OGFR: variants seen among roughly 807,000 people sequenced by gnomAD.
The protein encoded by OGFR is opioid growth factor receptor.
In OGFR, 18 loss-of-function variants were observed where a neutral mutation model predicts 33.6. The observed-to-expected ratio is 0.54, with a 90% CI of 0.37 to 0.80. OGFR has a LOEUF of 0.80. Ranked by LOEUF, OGFR falls within the 30% of genes least tolerant of loss-of-function variation. The pLI, the probability that OGFR is intolerant of heterozygous loss-of-function variation, is 0.00. For synonymous variants in OGFR, 370 were observed against 400.7 expected (o/e 0.92, Z 0.91); for missense variants, 877 against 955.8 (o/e 0.92, Z 1.09).
At position 62,813,093 on chromosome 20, in the gene OGFR, C is replaced by G; in HGVS notation, c.1478C>G (p.Ala493Gly). ...GSPAPSGHPK[A>G]GHSENGVEED... ...CCTGCCCCATCGGGGCACCCCAAGGCTGGACACAGTGAGAACGGGGTTGAG... is the reference window on the plus strand; with the variant it reads ...CCTGCCCCATCGGGGCACCCCAAGGGTGGACACAGTGAGAACGGGGTTGAG... The change falls in exon 7 of 7, where the codon GCT (alanine) becomes GGT (glycine). Residue 493 changes from alanine (A) to glycine (G), a missense_variant. Physicochemically the swap from Ala to Gly is moderately conservative, Grantham distance 60. Around this residue, in one of 3 missense-constraint regions of OGFR, gnomAD observed 760 missense variants for 736.0 expected, o/e 1.03. Coordinates refer to ENST00000290291, the MANE Select transcript of OGFR (RefSeq NM_007346.4). The G allele has an allele frequency of 1.3e-6, 2 of 1,579,496 alleles. No individual in the cohort carries two copies. The highest frequency in any genetic ancestry group is 1.7e-6 in the Non-Finnish European group (2 of 1,162,670).
rs746494495 is a variant in OGFR at position 62,813,401 on chromosome 20, G to A, written c.1786G>A (p.Glu596Lys). ...PAGPTRDEPA[E>K]SPSETPGPRP... ...AGGACCTACAAGGGATGAGCCAGCC[G>A]AGAGCCCATCGGAGACCCCAGGCCC... Residue 596 changes from glutamate (E) to lysine (K), a missense_variant, in exon 7 of 7, where the codon GAG becomes AAG. Transcript: ENST00000290291. 1.5e-5 allele frequency: 23 copies of A among 1,547,966 alleles called. 2 individuals carry two copies. The highest frequency in any genetic ancestry group is 4.7e-5 in the South Asian group (4 of 85,024).
Position 62,813,552 on chromosome 20 carries a change from C to T in OGFR, c.1937C>T (p.Pro646Leu), listed in dbSNP as rs769480850. The T allele has an allele frequency of 2.2e-5, 36 of 1,609,908 alleles. No individual in the cohort carries two copies. The highest frequency in any genetic ancestry group is 2.5e-5 in the Non-Finnish European group (30 of 1,178,606). Residue 646 changes from proline to leucine, a missense_variant, in exon 7 of 7, where the codon CCG (proline) becomes CTG (leucine). Coordinates refer to ENST00000290291, the MANE Select transcript of OGFR (RefSeq NM_007346.4). The stretch of plus-strand genomic sequence containing the variant: ...CCATCGGAGACCCCAGGCCCCAGCC[C>T]GGCAGGACCTACAAGGGATGAGCCA... ...ESPSETPGPS[P>L]AGPTRDEPAK...
chr20:62,812,533 C>A lies in OGFR; in HGVS notation c.918C>A (p.Gly306=), dbSNP rs749690363. 5.0e-6 allele frequency: 8 copies of A among 1,585,966 alleles called. No individual in the cohort carries two copies. The highest frequency in any genetic ancestry group is 1.3e-5 in the African/African-American group (1 of 74,428). Residue 306 remains glycine, a synonymous_variant, in exon 7 of 7, where the codon GGC becomes GGA. Coordinates refer to ENST00000290291, the MANE Select transcript of OGFR (RefSeq NM_007346.4). ...KPSSLPHPLE[G]SRKVEEEGSP... is the part of the protein sequence containing the mutation. Reference sequence around the variant, plus strand: ...GCTCTCTGCCCCATCCGCTCGAGGGCTCCAGGAAGGTGGAGGAGGAAGGAA... The same window carrying A: ...GCTCTCTGCCCCATCCGCTCGAGGGATCCAGGAAGGTGGAGGAGGAAGGAA...
At chr20:62,805,427 G>A (rs556838143) in intron 1 of OGFR, 1 of 154,092 alleles carries the variant, frequency 6.5e-6, no homozygotes, top group African/African-American at 2.4e-5. Flanking sequence ...CTGGGGCTGG[G>A]GCCCGGGCCG....
At chr20:62,811,104 G>T (rs1173211999) in intron 5 of OGFR, among the ~76,000 whole-genome samples, 1 of 152,228 alleles carries the variant, frequency 6.6e-6, no homozygotes, top group East Asian at 1.9e-4. Flanking sequence ...GCTCACGTTT[G>T]TAATCCCAGC....
intron 2 of OGFR, 191 bp from the exon 3 acceptor site, chr20:62,808,056 G>A (rs1037574908): frequency 4.9e-5 from 32 of 652,962 alleles, no homozygotes; most frequent in South Asian, 3.2e-4. Context: ...TGGGGAAGGG[G>A]GGTCCCTGGG....
At chr20:62,811,632 C>T in intron 6 of OGFR, 22 bp downstream of exon 6, 4 of 1,538,066 alleles carry the variant, frequency 2.6e-6, no homozygotes, top group Non-Finnish European at 3.5e-6. Context: ...CTGCTCCCGC[C>T]CACCCCCACC....
chr20:62,808,086 C>A, intron 2 of OGFR, 161 bp from the exon 3 acceptor site: 1 of 711,362 alleles, frequency 1.4e-6, no homozygotes, highest in Non-Finnish European at 2.6e-6. Context: ...CAGCTGCTGT[C>A]CTCTGAATGG....
At chr20:62,805,758 A>C (rs1324692372) in intron 1 of OGFR, 1 of 152,698 alleles carries the variant, frequency 6.5e-6, no homozygotes, top group Admixed American at 6.5e-5. Flanking sequence ...GGGCAGTGAG[A>C]GAGCACGGAG....
chr20:62,806,228 C>T (rs1814209112), intron 1 of OGFR: 1 of 152,344 alleles, frequency 6.6e-6, no homozygotes, highest in African/African-American at 2.4e-5. Context: ...GAGAGAACCA[C>T]ACCAGCGGCC....
At position 62,813,875 on chromosome 20, in the gene OGFR, C is replaced by T. The variant is rs985210864; in HGVS notation, c.*226C>T. 7.3e-5 allele frequency: 44 copies of T among 600,190 alleles called. No individual in the cohort carries two copies. The South Asian group carries it at 7.7e-4, about 11-fold the overall frequency. The allele number at this position is 600,190 out of a possible 1,614,324, so 37.2% of individuals were successfully genotyped here. On this transcript the variant is annotated 3_prime_UTR_variant, in exon 7 of 7. Coordinates refer to ENST00000290291, the MANE Select transcript of OGFR (RefSeq NM_007346.4). ...CCTGGCCTGGCTGTGTCTTCCCCACCCAGCTCTCCCCTGCGCCCCTGTCTT... is the reference window on the plus strand; with the variant it reads ...CCTGGCCTGGCTGTGTCTTCCCCACTCAGCTCTCCCCTGCGCCCCTGTCTT...
At chr20:62,809,753 GGCACGGACTGA>G (rs1457374793) in intron 4 of OGFR, 90 bp downstream of exon 4, 66 of 1,004,708 alleles carry the variant, frequency 6.6e-5, no homozygotes, top group Non-Finnish European at 9.5e-5. Context: ...GCTGCTTCCT[GGCACGGACTGA>G]GCACTCCCTG....
chr20:62,813,043 C>A lies in OGFR; in HGVS notation c.1428C>A (p.Ala476=). ...GTGCTGCGGTGGCCAGTGGTGGTGCCCAGACCTTGGCCCTTGCCGGGTCCC... is the reference window on the plus strand; with the variant it reads ...GTGCTGCGGTGGCCAGTGGTGGTGCACAGACCTTGGCCCTTGCCGGGTCCC... ...GDSAAVASGG[A]QTLALAGSPA... Residue 476 remains alanine (A), a synonymous_variant, in exon 7 of 7, where the codon GCC becomes GCA. Coordinates refer to ENST00000290291, the MANE Select transcript of OGFR (RefSeq NM_007346.4). The A allele has an allele frequency of 1.3e-6, 2 of 1,594,684 alleles. No homozygotes were observed. Among genetic ancestry groups the A allele is most frequent in the South Asian group, 1.1e-5 (1 of 89,016 alleles).
At chr20:62,810,133 A>G (rs1359806151) in intron 4 of OGFR, among the ~76,000 whole-genome samples, 1 of 152,224 alleles carries the variant, frequency 6.6e-6, no homozygotes, top group East Asian at 1.9e-4. Flanking sequence ...GGGCGTCCAC[A>G]GGGAGCCTCT....
Position 62,812,781 on chromosome 20 carries a change from T to C in OGFR, c.1166T>C (p.Leu389Pro). ...GAGAGCAAGAAGAGGAAGCTGGAGC[T>C]GAGCCGGCGGGAGCAGCCGCCCACA... The part of the protein sequence containing the change: ...PKESKKRKLE[L>P]SRREQPPTEP... The change falls in exon 7 of 7, where the codon CTG (leucine) becomes CCG (proline). Residue 389 changes from leucine (L) to proline (P), a missense_variant. Transcript: ENST00000290291. 6.2e-7 allele frequency: 1 copy of C among 1,612,472 alleles called. No individual in the cohort carries two copies. The highest frequency in any genetic ancestry group is 8.5e-7 in the Non-Finnish European group (1 of 1,179,780).
At position 62,812,734 on chromosome 20, in the gene OGFR, G is replaced by T. The variant is rs766018766; in HGVS notation, c.1119G>T (p.Arg373Ser). The change falls in exon 7 of 7, where the codon AGG (arginine) becomes AGT (serine). Residue 373 changes from arginine to serine, a missense_variant. By Grantham distance (110) the Arg-to-Ser change is moderately radical. Coordinates refer to ENST00000290291, the MANE Select transcript of OGFR (RefSeq NM_007346.4). ...AGGCAGGGGGCCACGGGGAAGATAG[G>T]CCGGAGCCCTTAAGCCCCAAAGAGA... Reference protein sequence around the residue: ...GDEAGGHGEDRPEPLSPKESK... With the variant: ...GDEAGGHGEDSPEPLSPKESK... 4 of 1,603,200 alleles carry T rather than the reference G, an allele frequency of 2.5e-6. No homozygotes were observed. The South Asian group carries it at 4.4e-5, about 18-fold the overall frequency.
rs765404092 is a variant in OGFR, at chr20:62,813,617, G to C, written c.2002G>C (p.Val668Leu). Residue 668 changes from valine to leucine, a missense_variant, in exon 7 of 7, where the codon GTG (valine) becomes CTG (leucine). Val to Leu is a conservative substitution (Grantham distance 32, BLOSUM62 1). This residue lies in a region of OGFR where 45 missense variants were observed against 38.0 expected (regional missense o/e 1.19). Coordinates refer to ENST00000290291, the MANE Select transcript of OGFR (RefSeq NM_007346.4). ...GEAAELQDAE[V>L]ESSAKSGKP ...GGCAGCAGAGTTGCAGGACGCAGAGGTGGAGTCTTCTGCCAAGTCTGGGAA... is the reference window on the plus strand; with the variant it reads ...GGCAGCAGAGTTGCAGGACGCAGAGCTGGAGTCTTCTGCCAAGTCTGGGAA... 1 of 1,612,824 alleles carries C rather than the reference G, an allele frequency of 6.2e-7. No individual in the cohort carries two copies. Among genetic ancestry groups the C allele is most frequent in the East Asian group, 2.2e-5 (1 of 44,868 alleles).
At chr20:62,810,427 C>A in intron 4 of OGFR, 72 bp from the exon 5 acceptor site, 1 of 1,482,556 alleles carries the variant, frequency 6.7e-7, no homozygotes, top group Non-Finnish European at 9.4e-7. Context: ...CCCCGGGCTA[C>A]ACAGCGAGCA....
chr20:62,807,461 C>A (rs955573556), intron 1 of OGFR, 76 bp from the exon 2 acceptor site: 22 of 1,339,214 alleles, frequency 1.6e-5, no homozygotes, highest in Non-Finnish European at 2.3e-5. Context: ...TGGCCCAGGC[C>A]CTGCAGCCCT....
Sources: allele counts gnomAD v4.1 joint callset (sites outside exome capture counted in the v4.1 genomes callset), GRCh38; gene constraint gnomAD v4.1.1; regional missense constraint gnomAD v4.1.1; transcripts MANE v1.5; gene names NCBI Gene and HGNC (gene_info 2026-07-23, HGNC 2026-07-21).